Variants in GALNTL6 observed in about 807,000 individuals in gnomAD.
The protein encoded by GALNTL6 is polypeptide N-acetylgalactosaminyltransferase like 6.
In GALNTL6, 46 loss-of-function variants were observed where a neutral mutation model predicts 73.7. The ratio of observed to expected loss-of-function variants is 0.62; its 90% confidence interval spans 0.49 to 0.80. The LOEUF is 0.80. Ranked by LOEUF, GALNTL6 falls within the 30% of genes least tolerant of loss-of-function variation. The pLI is 0.00. For synonymous variants in GALNTL6, 259 were observed against 263.7 expected (o/e 0.98, Z 0.17); for missense variants, 604 against 755.0 (o/e 0.80, Z 2.34).
chr4:171,969,653 TA>T (rs1441100193), intron 2 of GALNTL6, among the ~76,000 whole-genome samples: 1 of 152,220 alleles, frequency 6.6e-6, no homozygotes, highest in Non-Finnish European at 1.5e-5. Context: ...GAAATGCCCT[TA>T]AAAACTAGTC....
intron 3 of GALNTL6, among the ~76,000 whole-genome samples, chr4:172,283,044 GGT>G (rs1178363365): frequency 2.6e-5 from 4 of 152,114 alleles, no homozygotes; most frequent in African/African-American, 9.7e-5. Flanking sequence ...ATTGGGATCT[GGT>G]TTAATGAGGG....
intron 3 of GALNTL6, among the ~76,000 whole-genome samples, chr4:172,240,835 A>G (rs765204385): frequency 5.3e-5 from 8 of 152,040 alleles, no homozygotes; most frequent in Non-Finnish European, 8.8e-5. Context: ...TCTGAATTCT[A>G]TGTCTGTCAT....
intron 7 of GALNTL6, among the ~76,000 whole-genome samples, chr4:172,829,246 T>C (rs1463777098): frequency 1.3e-5 from 2 of 152,202 alleles, no homozygotes; most frequent in African/African-American, 4.8e-5. Flanking sequence ...TCCACAAGGA[T>C]GTCAGCAGAG....
chr4:172,441,513 T>C (rs1731837455), intron 5 of GALNTL6, among the ~76,000 whole-genome samples: 2 of 152,170 alleles, frequency 1.3e-5, no homozygotes, highest in Non-Finnish European at 2.9e-5. Flanking sequence ...CTCTCATGCC[T>C]TAAGTGTTCT....
At chr4:172,276,709 T>C (rs1012732422) in intron 3 of GALNTL6, among the ~76,000 whole-genome samples, 1 of 152,176 alleles carries the variant, frequency 6.6e-6, no homozygotes, top group Non-Finnish European at 1.5e-5. Flanking sequence ...TGTGTTACAC[T>C]ATATGCTGAT....
intron 2 of GALNTL6, among the ~76,000 whole-genome samples, chr4:171,878,811 T>C (rs1304153935): frequency 2.6e-5 from 4 of 152,122 alleles, no homozygotes; most frequent in African/African-American, 9.7e-5. Flanking sequence ...CAGTTTCTCA[T>C]GGTTTAACAC....
At chr4:171,846,836 A>C (rs960769867) in intron 2 of GALNTL6, among the ~76,000 whole-genome samples, 13 of 147,544 alleles carry the variant, frequency 8.8e-5, no homozygotes, top group African/African-American at 3.2e-4. Context: ...CTATAGATAC[A>C]TAAATATATT....
At chr4:172,997,392 G>A (rs1159032688) in intron 10 of GALNTL6, among the ~76,000 whole-genome samples, 1 of 152,138 alleles carries the variant, frequency 6.6e-6, no homozygotes, top group Non-Finnish European at 1.5e-5. Context: ...AAACGTGAAT[G>A]AAAACACAGC....
rs115410070 is a variant in GALNTL6 at position 172,933,742 on chromosome 4, A to G, written c.1149+2474A>G. Among the ~76,000 whole-genome samples, 583 of 152,342 alleles carry G rather than the reference A, an allele frequency of 3.8e-3. 5 individuals carry two copies. Among genetic ancestry groups the G allele is most frequent in the Non-Finnish European group, 4.2e-3 (288 of 68,036 alleles). Reference sequence around the variant, plus strand: ...ATGCTACATTATTACCATATCATCAAAAATGAAGAGAGACTTTATATATAC... The same window carrying G: ...ATGCTACATTATTACCATATCATCAGAAATGAAGAGAGACTTTATATATAC... On this transcript the variant is annotated intron_variant, in intron 9 of 12. Transcript: ENST00000506823.
intron 2 of GALNTL6, among the ~76,000 whole-genome samples, chr4:172,075,144 A>C (rs891105743): frequency 6.6e-5 from 10 of 152,090 alleles, no homozygotes; most frequent in African/African-American, 2.4e-4. Flanking sequence ...TGTTTAGAAA[A>C]TCTTGTATTT....
chr4:172,458,419 A>G lies in GALNTL6; in HGVS notation c.553+109730A>G, dbSNP rs537112567. On this transcript the variant is annotated intron_variant, in intron 5 of 12. Coordinates refer to ENST00000506823, the MANE Select transcript of GALNTL6 (RefSeq NM_001034845.3). ...GATATGAAAAACCCTGCAAAAACTC[A>G]GTGAATTCAGGAGCTGGTTTTTTTG... Among the ~76,000 whole-genome samples the G allele has an allele frequency of 4.6e-5, 7 of 151,978 alleles. No individual in the cohort carries two copies. The East Asian group carries it at 1.4e-3, about 30-fold the overall frequency.
At chr4:172,787,278 A>G (rs1057479378) in intron 5 of GALNTL6, among the ~76,000 whole-genome samples, 3 of 152,204 alleles carry the variant, frequency 2.0e-5, no homozygotes, top group African/African-American at 4.8e-5. Context: ...TGGTACTGCA[A>G]TTAATGAATT....
intron 2 of GALNTL6, among the ~76,000 whole-genome samples, chr4:171,857,602 A>G (rs1735727299): frequency 6.6e-6 from 1 of 152,196 alleles, no homozygotes; most frequent in African/African-American, 2.4e-5. Context: ...ATTCATCAAA[A>G]TGAGAGAAAA....
At chr4:172,748,163 TA>T (rs1325444716) in intron 5 of GALNTL6, among the ~76,000 whole-genome samples, 2 of 152,162 alleles carry the variant, frequency 1.3e-5, no homozygotes, top group Non-Finnish European at 2.9e-5. Context: ...GAAAGATTAA[TA>T]AAAAACAAGT....
intron 5 of GALNTL6, among the ~76,000 whole-genome samples, chr4:172,566,034 A>G (rs926365131): frequency 2.0e-5 from 3 of 152,190 alleles, no homozygotes; most frequent in African/African-American, 7.2e-5. Flanking sequence ...CAGAACACCT[A>G]ACTATATAAA....
At chr4:172,950,476 T>C (rs963325244) in intron 9 of GALNTL6, among the ~76,000 whole-genome samples, 1 of 152,186 alleles carries the variant, frequency 6.6e-6, no homozygotes, top group African/African-American at 2.4e-5. Context: ...AGAGCCCTTC[T>C]TGGTGCCCAC....
chr4:172,156,913 A>G (rs1378301159), intron 2 of GALNTL6, among the ~76,000 whole-genome samples: 1 of 152,100 alleles, frequency 6.6e-6, no homozygotes, highest in Non-Finnish European at 1.5e-5. Flanking sequence ...CTTGTTATAT[A>G]TATGCTTATT....
At chr4:172,834,489 A>G (rs1742806253) in intron 7 of GALNTL6, among the ~76,000 whole-genome samples, 1 of 152,250 alleles carries the variant, frequency 6.6e-6, no homozygotes, top group Non-Finnish European at 1.5e-5. Context: ...AAGAGGGCAG[A>G]GCACCAAGCT....
intron 10 of GALNTL6, among the ~76,000 whole-genome samples, chr4:172,981,254 A>G (rs896733208): frequency 2.6e-4 from 40 of 152,206 alleles, no homozygotes; most frequent in African/African-American, 9.4e-4. Context: ...TTCTGGGTTT[A>G]ACTTTTTTGA....
Sources: gnomAD v4.1 joint callset for allele counts (sites outside exome capture counted in the v4.1 genomes callset) on GRCh38, gnomAD v4.1.1 for gene constraint, MANE v1.5 for transcripts, NCBI Gene and HGNC (gene_info 2026-07-23, HGNC 2026-07-21) for gene names.